EDA: variants seen among roughly 807,000 people sequenced by gnomAD.
EDA encodes ectodysplasin A.
EDA carries 2 observed loss-of-function variants against 23.6 expected under a neutral mutation model. That is an observed-to-expected ratio of 0.08 (90% CI 0.03 to 0.27). The LOEUF (loss-of-function observed/expected upper bound fraction) is 0.27, where lower values mean the gene tolerates loss of function less well. Ranked by LOEUF, EDA falls within the 10% of genes least tolerant of loss-of-function variation. The probability of loss-of-function intolerance (pLI) is 1.00; values close to 1 mark genes in which losing one functional copy is unlikely to be tolerated. For synonymous variants in EDA, 131 were observed against 132.0 expected, an observed-to-expected ratio of 0.99 and a Z score of 0.05; for missense variants, 229 against 324.2, an observed-to-expected ratio of 0.71 and a Z score of 2.26.
intron 1 of EDA, among the ~76,000 whole-genome samples, chrX:69,718,558 A>AT (rs2012441845): frequency 9.1e-6 from 1 of 110,373 alleles, no homozygotes; most frequent in Admixed American, 9.7e-5. Context: ...TGATCATATG[A>AT]TTTTTCTTCT....
intron 4 of EDA, among the ~76,000 whole-genome samples, 200 bp from the exon 5 acceptor site, chrX:70,029,304 G>A (rs1440198318): frequency 8.9e-6 from 1 of 112,319 alleles, no homozygotes; most frequent in Non-Finnish European, 1.9e-5. Flanking sequence ...CCTGCTGGGT[G>A]CTGGGCCCAC....
At chrX:69,851,379 A>G (rs1362879323) in intron 1 of EDA, among the ~76,000 whole-genome samples, 1 of 112,290 alleles carries the variant, frequency 8.9e-6, no homozygotes, top group Non-Finnish European at 1.9e-5. Context: ...CATTTTATCA[A>G]TATGTTCTAA....
At chrX:69,771,882 T>C (rs2014648998) in intron 1 of EDA, among the ~76,000 whole-genome samples, 1 of 112,472 alleles carries the variant, frequency 8.9e-6, no homozygotes, top group African/African-American at 3.2e-5. Flanking sequence ...CTTTATCAGA[T>C]TGAAGGATTT....
chrX:69,677,514 C>G (rs1427008933), intron 1 of EDA, among the ~76,000 whole-genome samples: 2 of 110,473 alleles, frequency 1.8e-5, no homozygotes, highest in Admixed American at 9.6e-5. Flanking sequence ...TTTTAATGAT[C>G]GCCATTCTAA....
At chrX:69,786,379 T>C (rs1435337228) in intron 1 of EDA, among the ~76,000 whole-genome samples, 1 of 105,816 alleles carries the variant, frequency 9.5e-6, no homozygotes. Context: ...TTAATTGTGA[T>C]GTTAGGGTGT....
chrX:69,661,161 T>C (rs982106836), intron 1 of EDA, among the ~76,000 whole-genome samples: 1 of 108,924 alleles, frequency 9.2e-6, no homozygotes, highest in African/African-American at 3.4e-5. Flanking sequence ...GAAGTGTCTG[T>C]TCATATCCTT....
At chrX:69,789,001 G>A (rs889781469) in intron 1 of EDA, among the ~76,000 whole-genome samples, 3 of 112,657 alleles carry the variant, frequency 2.7e-5, no homozygotes, top group Non-Finnish European at 5.6e-5. Context: ...GTGGTGCCCC[G>A]TTTTTTTAGC....
At chrX:69,926,820 T>G (rs768809611) in intron 1 of EDA, among the ~76,000 whole-genome samples, 1 of 111,929 alleles carries the variant, frequency 8.9e-6, no homozygotes, top group South Asian at 3.8e-4. Context: ...TAAGAACTTG[T>G]TTTATGAATC....
chrX:69,652,581 A>G (rs963681387), intron 1 of EDA, among the ~76,000 whole-genome samples: 4 of 111,569 alleles, frequency 3.6e-5, no homozygotes, highest in African/African-American at 9.8e-5. Context: ...AAATACTCCC[A>G]ACAGAAAGTA....
chrX:70,028,737 G>C (rs2020157093), intron 4 of EDA, among the ~76,000 whole-genome samples: 1 of 112,987 alleles, frequency 8.9e-6, no homozygotes, highest in Admixed American at 9.3e-5. Context: ...GCATCCGAAA[G>C]GTATGAATGC....
chrX:69,801,963 T>A (rs1329258566), intron 1 of EDA, among the ~76,000 whole-genome samples: 3 of 111,513 alleles, frequency 2.7e-5, no homozygotes, highest in Non-Finnish European at 5.7e-5. Context: ...AAGTTGAAGA[T>A]GTATGTAACT....
chrX:69,843,847 C>T lies in EDA; in HGVS notation c.397-113180C>T, dbSNP rs764235809. Among the ~76,000 whole-genome samples, 9 of 109,659 alleles carry T rather than the reference C, an allele frequency of 8.2e-5. No homozygotes were observed. The South Asian group carries it at 3.2e-3, about 39-fold the overall frequency. On this transcript the variant is annotated intron_variant, in intron 1 of 7. Coordinates refer to ENST00000374552, the MANE Select transcript of EDA (RefSeq NM_001399.5). The stretch of plus-strand genomic sequence containing the variant: ...ACCATCCTGGCTAACACGGTGAAAC[C>T]CCGTCTCTATTAAAAATACAAAAAA...
At chrX:70,025,055 G>C (rs936773875) in intron 3 of EDA, among the ~76,000 whole-genome samples, 9 of 111,807 alleles carry the variant, frequency 8.0e-5, no homozygotes, top group African/African-American at 2.9e-4. Flanking sequence ...AAGTATGCAA[G>C]TGTGAGAAGC....
At chrX:69,788,112 A>T (rs746628983) in intron 1 of EDA, among the ~76,000 whole-genome samples, 40 of 110,106 alleles carry the variant, frequency 3.6e-4, no homozygotes, top group Non-Finnish European at 7.3e-4. Flanking sequence ...CATTCTTCAC[A>T]TAGTTCTCGA....
chrX:69,642,971 A>G (rs1932857280), intron 1 of EDA, among the ~76,000 whole-genome samples: 1 of 111,364 alleles, frequency 9.0e-6, no homozygotes, highest in Non-Finnish European at 1.9e-5. Flanking sequence ...TATTGAAGAT[A>G]CTCTAAATAA....
rs770048899 is a variant in EDA, at chrX:69,740,294, A to G, written c.396+123590A>G. On this transcript the variant is annotated intron_variant, in intron 1 of 7. Coordinates refer to ENST00000374552, the MANE Select transcript of EDA (RefSeq NM_001399.5). ...AGGATTAGGCTTTTTTAGCCTGAAG[A>G]GTTTCTTCAGTATTTCTTATAGGTC... 1.5e-4 allele frequency among the ~76,000 whole-genome samples: 17 copies of G among 111,382 alleles called. No homozygotes were observed. The South Asian group carries it at 6.0e-3, about 39-fold the overall frequency.
At chrX:69,637,992 G>A (rs183571645) in intron 1 of EDA, among the ~76,000 whole-genome samples, 154 of 110,985 alleles carry the variant, frequency 1.4e-3, no homozygotes, top group African/African-American at 5.0e-3. Context: ...CTTCTCATGG[G>A]CACCTGAATT....
chrX:69,745,390 G>A (rs2013587124), intron 1 of EDA, among the ~76,000 whole-genome samples: 1 of 111,648 alleles, frequency 9.0e-6, no homozygotes, highest in Non-Finnish European at 1.9e-5. Context: ...GGTAGTTCTT[G>A]TAGTTGATAG....
intron 1 of EDA, among the ~76,000 whole-genome samples, chrX:69,869,130 C>A (rs998182043): frequency 1.8e-5 from 2 of 111,637 alleles, no homozygotes; most frequent in African/African-American, 6.5e-5. Flanking sequence ...CCATAGTAGC[C>A]CTCACCTTAC....
Sources: gnomAD v4.1 joint callset for allele counts (sites outside exome capture counted in the v4.1 genomes callset) on GRCh38, gnomAD v4.1.1 for gene constraint, MANE v1.5 for transcripts, NCBI Gene and HGNC (gene_info 2026-07-23, HGNC 2026-07-21) for gene names.